The following NIPA2 variants were observed in gnomAD, a reference collection of about 807,000 sequenced individuals.
The protein encoded by NIPA2 is NIPA magnesium transporter 2.
NIPA2 carries 11 observed loss-of-function variants against 29.7 expected under a neutral mutation model. That is an observed-to-expected ratio of 0.37 (90% CI 0.23 to 0.61). The LOEUF (loss-of-function observed/expected upper bound fraction) is 0.61, where lower values mean the gene tolerates loss of function less well. Among genes scored for constraint, NIPA2 ranks in the 20% least tolerant of loss-of-function variants. NIPA2 has a pLI of 0.66. For synonymous variants in NIPA2, 183 were observed against 161.9 expected (o/e 1.13, Z -0.99); for missense variants, 426 against 437.9 (o/e 0.97, Z 0.24).
At chr15:22,847,698 G>A (rs1215817246) in intron 3 of NIPA2, among the ~76,000 whole-genome samples, 3 of 151,942 alleles carry the variant, frequency 2.0e-5, no homozygotes, top group African/African-American at 4.8e-5. Flanking sequence ...TCCTGACCTC[G>A]TGATCTGCCC....
intron 5 of NIPA2, 123 bp from the exon 6 acceptor site, chr15:22,858,417 G>C (rs1316925818): frequency 3.8e-6 from 2 of 530,318 alleles, no homozygotes; most frequent in Non-Finnish European, 6.8e-6. Flanking sequence ...TAATAAATTG[G>C]AAAAATATGG....
At position 22,866,384 on chromosome 15, in the gene NIPA2, T is replaced by C. The variant is rs980371710; in HGVS notation, c.620T>C (p.Phe207Ser). Residue 207 changes from phenylalanine (F) to serine (S), a missense_variant, in exon 8 of 8, where the codon TTT (phenylalanine) becomes TCT (serine). By Grantham distance (155) the Phe-to-Ser change is radical (BLOSUM62 -2). Around this residue, in one of 3 missense-constraint regions of NIPA2, gnomAD observed 357 missense variants for 339.8 expected, o/e 1.05. Coordinates refer to ENST00000337451, the MANE Select transcript of NIPA2 (RefSeq NM_030922.7). ...CTGGGCATTGCTATCAAGGAGCTGT[T>C]TGCAGGGAAGCCTGTGCTGCGGCAT... ...KGLGIAIKEL[F>S]AGKPVLRHPL... 1 of 1,614,124 alleles carries C rather than the reference T, an allele frequency of 6.2e-7. No homozygotes were observed. The highest frequency in any genetic ancestry group is 1.3e-5 in the African/African-American group (1 of 75,020).
intron 7 of NIPA2, among the ~76,000 whole-genome samples, chr15:22,861,192 G>GT (rs954024178): frequency 8.5e-5 from 13 of 152,088 alleles, no homozygotes; most frequent in Non-Finnish European, 1.9e-4. Flanking sequence ...TGTTTGTGTA[G>GT]TTTTTTATGA....
At chr15:22,858,020 A>G (rs544898214) in intron 5 of NIPA2, among the ~76,000 whole-genome samples, 52 of 152,182 alleles carry the variant, frequency 3.4e-4, no homozygotes, top group African/African-American at 1.2e-3. Context: ...AGATTTACAG[A>G]TATGTGTTGT....
At chr15:22,841,379 T>G (rs1017248586) in intron 2 of NIPA2, among the ~76,000 whole-genome samples, 4 of 152,240 alleles carry the variant, frequency 2.6e-5, no homozygotes, top group African/African-American at 9.6e-5. Flanking sequence ...GAAACAGAAC[T>G]ACTTAAATAG....
chr15:22,858,511 G>C, intron 5 of NIPA2, 29 bp from the exon 6 acceptor site: 2 of 1,512,530 alleles, frequency 1.3e-6, no homozygotes, highest in Non-Finnish European at 1.8e-6. Context: ...ATTCTTACCT[G>C]AGTTTTTCTT....
At chr15:22,863,930 T>C (rs2058790691) in intron 7 of NIPA2, among the ~76,000 whole-genome samples, 1 of 152,140 alleles carries the variant, frequency 6.6e-6, no homozygotes, top group African/African-American at 2.4e-5. Flanking sequence ...TTTTTTGTTG[T>C]TGTAGATCCA....
intron 5 of NIPA2, among the ~76,000 whole-genome samples, chr15:22,855,727 G>A (rs2058129356): frequency 6.6e-6 from 1 of 152,148 alleles, no homozygotes; most frequent in Non-Finnish European, 1.5e-5. Context: ...TGCAGCCAGG[G>A]CCAGCCTCGC....
In NIPA2 at chr15:22,866,706, A is replaced by AAAAG. The variant is rs760779300; in HGVS notation, c.944_947dup (p.Asp316GlufsTer12). Reference sequence around the variant, plus strand: ...TAGCAAGTCTGCCTGTGTCTTTTCGAAAAGACGAGAAAGCAATGAATGGCA... The same window carrying AAAAG: ...TAGCAAGTCTGCCTGTGTCTTTTCGAAAAGAAAGACGAGAAAGCAATGAATGGCA... On this transcript the variant is annotated frameshift_variant, in exon 8 of 8. Coordinates refer to ENST00000337451, the MANE Select transcript of NIPA2 (RefSeq NM_030922.7). LOFTEE classifies it high-confidence loss of function. 6.2e-7 allele frequency: 1 copy of AAAAG among 1,614,154 alleles called. No individual in the cohort carries two copies. Among genetic ancestry groups the AAAAG allele is most frequent in the East Asian group, 2.2e-5 (1 of 44,870 alleles).
rs1341298833 is a variant in NIPA2 at position 22,868,302 on chromosome 15, A to AAAAG, written c.*1458_*1461dup. The stretch of plus-strand genomic sequence containing the variant: ...GTACCTACATCTGTGCTTTGTACAT[A>AAAAG]AAAGAACCAGTTTTCTCCCCCTTGA... On this transcript the variant is annotated 3_prime_UTR_variant, in exon 8 of 8. Coordinates refer to ENST00000337451, the MANE Select transcript of NIPA2 (RefSeq NM_030922.7). 1 of 152,202 alleles carries AAAAG rather than the reference A, an allele frequency of 6.6e-6. No homozygotes were observed. The highest frequency in any genetic ancestry group is 1.5e-5 in the Non-Finnish European group (1 of 68,036). 9.4% of individuals were successfully genotyped at this position (152,202 alleles called of 1,614,324 possible).
chr15:22,849,119 C>A (rs2057516362), intron 3 of NIPA2, among the ~76,000 whole-genome samples: 1 of 152,150 alleles, frequency 6.6e-6, no homozygotes, highest in Non-Finnish European at 1.5e-5. Context: ...TCAAGTTCTC[C>A]TACCTTGTCT....
At chr15:22,841,799 G>A (rs1353156494) in intron 2 of NIPA2, among the ~76,000 whole-genome samples, 2 of 152,140 alleles carry the variant, frequency 1.3e-5, no homozygotes, top group African/African-American at 2.4e-5. Flanking sequence ...GAGCCACCGC[G>A]CCCGGCCGGA....
chr15:22,847,492 T>G, intron 3 of NIPA2, among the ~76,000 whole-genome samples: 1 of 150,790 alleles, frequency 6.6e-6, no homozygotes, highest in South Asian at 2.1e-4. Context: ...CGAGACGGAG[T>G]CTTGCTCTGT....
intron 2 of NIPA2, among the ~76,000 whole-genome samples, chr15:22,843,673 C>A (rs1410972937): frequency 6.7e-6 from 1 of 149,382 alleles, no homozygotes; most frequent in East Asian, 2.0e-4. Context: ...TTTTTTGAGA[C>A]GGAGTCTCGC....
chr15:22,867,949 C>CTCA lies in NIPA2; in HGVS notation c.*1104_*1106dup, dbSNP rs976033954. Reference sequence around the variant, plus strand: ...CTCCATTCAGCTTTGAACCTATCCACTCATAACCATTGACTGGCCTTTAAA... The same window carrying CTCA: ...CTCCATTCAGCTTTGAACCTATCCACTCATCATAACCATTGACTGGCCTTTAAA... On this transcript the variant is annotated 3_prime_UTR_variant, in exon 8 of 8. Coordinates refer to ENST00000337451, the MANE Select transcript of NIPA2 (RefSeq NM_030922.7). The CTCA allele has an allele frequency of 2.0e-5, 3 of 152,242 alleles. No homozygotes were observed. Among genetic ancestry groups the CTCA allele is most frequent in the African/African-American group, 7.2e-5 (3 of 41,464 alleles). The allele number at this position is 152,242 out of a possible 1,614,324, so 9.4% of individuals were successfully genotyped here.
intron 2 of NIPA2, among the ~76,000 whole-genome samples, chr15:22,843,431 G>T (rs921272241): frequency 2.0e-5 from 3 of 149,886 alleles, no homozygotes; most frequent in African/African-American, 7.4e-5. Context: ...GCGTGAACCC[G>T]GGAGGCAGAG....
intron 7 of NIPA2, among the ~76,000 whole-genome samples, chr15:22,862,335 A>G (rs1405339824): frequency 2.0e-5 from 3 of 152,102 alleles, no homozygotes; most frequent in East Asian, 1.9e-4. Context: ...GGTGTGAGCT[A>G]CTGTGCCTGG....
At position 22,851,797 on chromosome 15, in the gene NIPA2, T is replaced by C. The variant is rs370224790; in HGVS notation, c.66T>C (p.Ile22=). 2.5e-5 allele frequency: 40 copies of C among 1,613,602 alleles called. No individual in the cohort carries two copies. The highest frequency in any genetic ancestry group is 3.1e-5 in the Non-Finnish European group (37 of 1,179,738). ...IGLGLAMSSS[I]FIGGSFILKK... ...TGGGATTGGCTATGAGCTCCAGCAT[T>C]TTCATTGGAGGAAGTTTCATTTTGA... Residue 22 remains isoleucine, a synonymous_variant, in exon 4 of 8, where the codon ATT becomes ATC. Coordinates refer to ENST00000337451, the MANE Select transcript of NIPA2 (RefSeq NM_030922.7).
intron 2 of NIPA2, among the ~76,000 whole-genome samples, chr15:22,844,780 A>ACAACAG (rs1555379276): frequency 1.3e-5 from 2 of 152,128 alleles, no homozygotes; most frequent in African/African-American, 2.4e-5. Flanking sequence ...AACAACAACA[A>ACAACAG]AAAAGCCCTT....
Sources: allele counts gnomAD v4.1 joint callset (sites outside exome capture counted in the v4.1 genomes callset), GRCh38; gene constraint gnomAD v4.1.1; regional missense constraint gnomAD v4.1.1; transcripts MANE v1.5; gene names NCBI Gene and HGNC (gene_info 2026-07-23, HGNC 2026-07-21).